Variants in CTNNA2 observed in about 807,000 individuals in gnomAD.
CTNNA2 encodes catenin alpha-2.
Under a neutral mutation model 101.0 loss-of-function variants are expected in CTNNA2, and 42 were observed. The observed-to-expected ratio is 0.42, with a 90% CI of 0.32 to 0.54. The LOEUF (loss-of-function observed/expected upper bound fraction) is 0.54. CTNNA2 is among the 20% of genes least tolerant of loss of function. CTNNA2 has a pLI of 0.14. For synonymous variants in CTNNA2, 450 were observed against 456.4 expected (o/e 0.99, Z 0.18); for missense variants, 871 against 1,223.1 (o/e 0.71, Z 4.29).
intron 7 of CTNNA2, among the ~76,000 whole-genome samples, chr2:80,313,052 T>G (rs988869143): frequency 1.3e-5 from 2 of 152,214 alleles, no homozygotes; most frequent in African/African-American, 4.8e-5. Flanking sequence ...TAAAAACCTC[T>G]ATATTACATT....
At chr2:79,240,896 CT>C (rs1194001379) in intron 2 of CTNNA2, among the ~76,000 whole-genome samples, 2 of 152,124 alleles carry the variant, frequency 1.3e-5, no homozygotes, top group East Asian at 1.9e-4. Context: ...TATTTCTCCC[CT>C]GGTCATCTTC....
chr2:80,168,028 T>C (rs1026752710), intron 7 of CTNNA2, among the ~76,000 whole-genome samples: 1 of 152,144 alleles, frequency 6.6e-6, no homozygotes, highest in African/African-American at 2.4e-5. Context: ...ATAACCAGTC[T>C]ACCCTGAGGA....
At position 80,004,211 on chromosome 2, in the gene CTNNA2, T is replaced by C. The variant is rs556194516; in HGVS notation, c.1056+94414T>C. ...CTCCTTTATATTTATTTGGGCGCAA[T>C]AACTATTTCTGAGGAGCATTTCATA... On this transcript the variant is annotated intron_variant, in intron 7 of 18. Coordinates refer to ENST00000402739, the MANE Select transcript of CTNNA2 (RefSeq NM_001282597.3). 2.6e-5 allele frequency among the ~76,000 whole-genome samples: 4 copies of C among 152,280 alleles called. No individual in the cohort carries two copies. In the South Asian group the frequency reaches 8.3e-4, roughly 32 times the overall value.
chr2:80,359,903 G>A (rs1455239393), intron 7 of CTNNA2, among the ~76,000 whole-genome samples: 1 of 152,030 alleles, frequency 6.6e-6, no homozygotes, highest in Non-Finnish European at 1.5e-5. Context: ...GAATCAGACT[G>A]TTAATTTGTA....
chr2:79,568,497 A>G (rs376067559), intron 1 of CTNNA2, among the ~76,000 whole-genome samples: 1 of 151,902 alleles, frequency 6.6e-6, no homozygotes. Context: ...CAGCTACTCA[A>G]GAGGCTGAGG....
chr2:79,743,596 C>T (rs144205330), intron 2 of CTNNA2, among the ~76,000 whole-genome samples: 1,553 of 151,006 alleles, frequency 0.01, 18 homozygotes, highest in Non-Finnish European at 0.014. Flanking sequence ...TACAATGGCA[C>T]GATCTAGATT....
chr2:80,142,306 C>T (rs1703064151), intron 7 of CTNNA2, among the ~76,000 whole-genome samples: 1 of 152,174 alleles, frequency 6.6e-6, no homozygotes, highest in Non-Finnish European at 1.5e-5. Flanking sequence ...TAGCTGCTCA[C>T]CTCTTCTTGC....
At chr2:80,156,873 G>T (rs550203710) in intron 7 of CTNNA2, among the ~76,000 whole-genome samples, 27 of 152,244 alleles carry the variant, frequency 1.8e-4, no homozygotes, top group African/African-American at 6.5e-4. Context: ...AAATACAGAG[G>T]CCCCCAAATT....
chr2:79,282,516 T>G (rs1675421425), intron 2 of CTNNA2, among the ~76,000 whole-genome samples: 1 of 151,768 alleles, frequency 6.6e-6, no homozygotes, highest in Non-Finnish European at 1.5e-5. Context: ...TGTCTGGTTT[T>G]TTGTTCTTGC....
At chr2:79,986,309 T>TTTGAGGATA (rs1318834698) in intron 7 of CTNNA2, among the ~76,000 whole-genome samples, 1 of 152,178 alleles carries the variant, frequency 6.6e-6, no homozygotes, top group African/African-American at 2.4e-5. Context: ...AAGGATGTTC[T>TTTGAGGATA]TTGAGGATAT....
chr2:80,031,662 A>T (rs929720204), intron 7 of CTNNA2, among the ~76,000 whole-genome samples: 1 of 152,204 alleles, frequency 6.6e-6, no homozygotes, highest in African/African-American at 2.4e-5. Context: ...ATAAGGAAAG[A>T]AGGGAAATTT....
intron 1 of CTNNA2, among the ~76,000 whole-genome samples, chr2:79,613,222 T>C (rs1471736396): frequency 6.6e-6 from 1 of 151,648 alleles, no homozygotes; most frequent in Non-Finnish European, 1.5e-5. Context: ...CCTTGTGAAA[T>C]TAAAATGTGT....
upstream of CTNNA2, among the ~76,000 whole-genome samples, chr2:79,511,661 G>A (rs375644636): frequency 2.6e-3 from 400 of 152,216 alleles, 5 homozygotes; most frequent in South Asian, 0.046. Flanking sequence ...AAAGATATTG[G>A]GAGAGAAAGA....
chr2:79,303,635 G>C (rs935406943), intron 2 of CTNNA2, among the ~76,000 whole-genome samples: 2 of 152,022 alleles, frequency 1.3e-5, no homozygotes, highest in African/African-American at 2.4e-5. Context: ...TACCAAGACA[G>C]TCACTCTCTA....
intron 1 of CTNNA2, among the ~76,000 whole-genome samples, chr2:79,523,033 G>A (rs1413852276): frequency 2.6e-5 from 4 of 152,114 alleles, no homozygotes; most frequent in Non-Finnish European, 5.9e-5. Context: ...GTTATATAGT[G>A]AGGGTGTTTT....
At chr2:80,593,879 C>T (rs1696722982) in intron 15 of CTNNA2, among the ~76,000 whole-genome samples, 2 of 152,136 alleles carry the variant, frequency 1.3e-5, no homozygotes, top group Non-Finnish European at 2.9e-5. Context: ...CCACTCATCT[C>T]TTAATAAGCA....
In CTNNA2 at chr2:80,164,373, A is replaced by G. The variant is rs182153445; in HGVS notation, c.1057-228838A>G. Among the ~76,000 whole-genome samples the G allele has an allele frequency of 3.3e-5, 5 of 152,126 alleles. No individual in the cohort carries two copies. In the East Asian group the frequency reaches 7.7e-4, roughly 23 times the overall value. On this transcript the variant is annotated intron_variant, in intron 7 of 18. Transcript: ENST00000402739. ...TACATTCTTTACACATAAATTATATATATTGATATTTTCATATTACCAATT... is the reference window on the plus strand; with the variant it reads ...TACATTCTTTACACATAAATTATATGTATTGATATTTTCATATTACCAATT...
At chr2:79,850,727 C>A (rs1239212571) in intron 3 of CTNNA2, among the ~76,000 whole-genome samples, 2 of 152,120 alleles carry the variant, frequency 1.3e-5, no homozygotes, top group Non-Finnish European at 2.9e-5. Flanking sequence ...TGTTCAGTTT[C>A]CTCAGATAGA....
intron 9 of CTNNA2, among the ~76,000 whole-genome samples, chr2:80,495,939 CAAAAAAA>C (rs60582703): frequency 9.0e-3 from 322 of 35,730 alleles, no homozygotes; most frequent in South Asian, 0.047. Flanking sequence ...GACTCTGTCT[CAAAAAAA>C]AAAAAAAAAA....
Sources: allele counts gnomAD v4.1 joint callset (sites outside exome capture counted in the v4.1 genomes callset), GRCh38; gene constraint gnomAD v4.1.1; transcripts MANE v1.5; gene names NCBI Gene and HGNC (gene_info 2026-07-23, HGNC 2026-07-21).